Variants in PHKA1 observed in about 807,000 individuals in gnomAD.
PHKA1 encodes phosphorylase kinase regulatory subunit alpha 1.
Under a neutral mutation model 110.2 loss-of-function variants are expected in PHKA1, and 60 were observed. The observed-to-expected ratio is 0.54, with a 90% CI of 0.44 to 0.68. PHKA1 has a LOEUF of 0.68. PHKA1 is among the 30% of genes least tolerant of loss of function. The pLI is 0.00. For missense variants in PHKA1, 801 were observed against 942.5 expected, an observed-to-expected ratio of 0.85 and a Z score of 1.97; for synonymous variants, 316 against 333.6, an observed-to-expected ratio of 0.95 and a Z score of 0.58.
chrX:72,678,606 T>C (rs1238559752), intron 5 of PHKA1, among the ~76,000 whole-genome samples: 1 of 111,964 alleles, frequency 8.9e-6, no homozygotes, highest in East Asian at 2.8e-4. Flanking sequence ...AGGCCTGTGG[T>C]GTCAGAAGCA....
At chrX:72,646,088 G>A (rs1478795186) in intron 13 of PHKA1, among the ~76,000 whole-genome samples, 3 of 112,297 alleles carry the variant, frequency 2.7e-5, no homozygotes, top group African/African-American at 9.7e-5. Context: ...CTTCAATATT[G>A]CTGTAGCATA....
chrX:72,623,806 G>T (rs978499509), intron 17 of PHKA1, among the ~76,000 whole-genome samples: 1 of 111,578 alleles, frequency 9.0e-6, no homozygotes, highest in Non-Finnish European at 1.9e-5. Context: ...CAACTTGAAG[G>T]GGCTATCAAT....
At chrX:72,629,855 C>A (rs2053138818) in intron 16 of PHKA1, among the ~76,000 whole-genome samples, 1 of 111,652 alleles carries the variant, frequency 9.0e-6, no homozygotes, top group African/African-American at 3.3e-5. Flanking sequence ...AAACATGATG[C>A]ATATATCACT....
At chrX:72,713,680 A>ACACACACC in intron 1 of PHKA1, 123 bp downstream of exon 1, 3 of 556,443 alleles carry the variant, frequency 5.4e-6, no homozygotes, top group Admixed American at 2.7e-5. Flanking sequence ...TCACACACAC[A>ACACACACC]CACACACACA....
intron 4 of PHKA1, among the ~76,000 whole-genome samples, chrX:72,693,576 T>C (rs2054067786): frequency 2.7e-5 from 3 of 111,500 alleles, no homozygotes; most frequent in African/African-American, 9.8e-5. Context: ...TTGATCTTCT[T>C]AGTTTGCCCC....
intron 16 of PHKA1, among the ~76,000 whole-genome samples, chrX:72,627,910 C>T (rs1369906453): frequency 2.8e-5 from 3 of 107,026 alleles, no homozygotes; most frequent in Non-Finnish European, 5.8e-5. Context: ...CTCCGCCTCC[C>T]GGGTTCACGC....
chrX:72,662,271 G>A (rs782694994), intron 8 of PHKA1, among the ~76,000 whole-genome samples: 36 of 111,837 alleles, frequency 3.2e-4, no homozygotes, highest in Non-Finnish European at 6.2e-4. Context: ...CAGGAGTGCA[G>A]TAGTTGGCCC....
At chrX:72,584,969 T>A (rs1055991512) in intron 29 of PHKA1, among the ~76,000 whole-genome samples, 3 of 97,169 alleles carry the variant, frequency 3.1e-5, no homozygotes, top group Admixed American at 2.4e-4. Flanking sequence ...TTCCCATTGT[T>A]CAATTCCCAC....
chrX:72,585,441 T>C (rs942292315), intron 29 of PHKA1, among the ~76,000 whole-genome samples: 1 of 112,215 alleles, frequency 8.9e-6, no homozygotes, highest in Non-Finnish European at 1.9e-5. Context: ...ATAAAAAACC[T>C]TGGGTCTCCA....
intron 4 of PHKA1, among the ~76,000 whole-genome samples, chrX:72,694,338 T>C (rs1392273552): frequency 8.9e-6 from 1 of 112,263 alleles, no homozygotes; most frequent in Non-Finnish European, 1.9e-5. Context: ...CTGAAGTGAA[T>C]CATCTGAAAC....
chrX:72,599,827 G>A (rs782382961), intron 28 of PHKA1: 14 of 548,928 alleles, frequency 2.6e-5, no homozygotes, highest in Non-Finnish European at 4.7e-5. Context: ...ATAAAAGACG[G>A]TGACATCAAA....
rs1447421846 is a variant in PHKA1 at position 72,595,457 on chromosome X, TAAG to T, written c.3073-2186_3073-2184del. The stretch of plus-strand genomic sequence containing the variant: ...GGGGGCCTGAACCAGGGAGATTAAG[TAAG>T]AAAAGAAATAAAAGGCATCCAGATT... On this transcript the variant is annotated intron_variant, in intron 28 of 31. Transcript: ENST00000373542. Among the ~76,000 whole-genome samples the T allele has an allele frequency of 3.6e-5, 4 of 111,029 alleles. No homozygotes were observed. The Admixed American group carries it at 3.8e-4, about 11-fold the overall frequency.
At chrX:72,663,503 G>A (rs1258424691) in intron 8 of PHKA1, among the ~76,000 whole-genome samples, 2 of 111,001 alleles carry the variant, frequency 1.8e-5, no homozygotes, top group Non-Finnish European at 3.8e-5. Context: ...GAAAAATATG[G>A]ATATCCAGAT....
rs140806500 is a variant in PHKA1, at chrX:72,626,988, C to T, written c.1776G>A (p.Gly592=). ...TCACTTACCTTGCCCCACCAAAATACCCATCTTGCATTTTTCGGAGTGCTG... is the reference window on the plus strand; with the variant it reads ...TCACTTACCTTGCCCCACCAAAATATCCATCTTGCATTTTTCGGAGTGCTG... ...ILAALRKMQD[G]YFGGARVQTG... Residue 592 remains glycine, a synonymous_variant, in exon 17 of 32, where the codon GGG becomes GGA. Transcript: ENST00000373542. 20 of 1,205,416 alleles carry T rather than the reference C, an allele frequency of 1.7e-5. No homozygotes were observed. The South Asian group carries it at 2.5e-4, about 15-fold the overall frequency.
At chrX:72,629,246 G>A (rs2053130945) in intron 16 of PHKA1, among the ~76,000 whole-genome samples, 1 of 111,579 alleles carries the variant, frequency 9.0e-6, no homozygotes, top group African/African-American at 3.2e-5. Flanking sequence ...GGAACATGGT[G>A]TACCTCTCTA....
intron 2 of PHKA1, chrX:72,711,927 A>G (rs782119802): frequency 9.0e-6 from 1 of 111,257 alleles, no homozygotes; most frequent in Non-Finnish European, 1.9e-5. Context: ...TACTCGTAAA[A>G]TAACCAAATA....
chrX:72,709,637 T>C (rs1556333675), intron 2 of PHKA1, among the ~76,000 whole-genome samples: 2 of 110,927 alleles, frequency 1.8e-5, no homozygotes, highest in Non-Finnish European at 3.8e-5. Flanking sequence ...ACACTGGCTA[T>C]ACATTAAAAT....
intron 29 of PHKA1, among the ~76,000 whole-genome samples, chrX:72,592,067 GAATAT>G: frequency 8.9e-6 from 1 of 111,930 alleles, no homozygotes. Flanking sequence ...CTCCCTAGTA[GAATAT>G]AAGTTCAAGG....
intron 6 of PHKA1, among the ~76,000 whole-genome samples, chrX:72,669,706 G>A (rs2053661465): frequency 9.1e-6 from 1 of 109,310 alleles, no homozygotes; most frequent in South Asian, 4.1e-4. Context: ...CAAAGGACAT[G>A]AACTCATCAT....
Sources: gnomAD v4.1 joint callset for allele counts (sites outside exome capture counted in the v4.1 genomes callset) on GRCh38, gnomAD v4.1.1 for gene constraint, MANE v1.5 for transcripts, NCBI Gene and HGNC (gene_info 2026-07-23, HGNC 2026-07-21) for gene names.